Variants in DPRX observed in about 807,000 individuals in gnomAD.
DPRX encodes divergent paired-related homeobox.
DPRX carries 11 observed loss-of-function variants against 8.4 expected under a neutral mutation model. The observed-to-expected ratio is 1.31, with a 90% CI of 0.82 to 2.17. The LOEUF (loss-of-function observed/expected upper bound fraction) is 2.17. Among genes scored for constraint, DPRX ranks in the 30% most tolerant of loss-of-function variants. DPRX has a pLI of 0.00. For synonymous variants in DPRX, 72 were observed against 87.0 expected (o/e 0.83, Z 0.96); for missense variants, 211 against 236.7 (o/e 0.89, Z 0.71).
chr19:53,630,104 T>C (rs1417509152), upstream of DPRX: 1 of 151,890 alleles, frequency 6.6e-6, no homozygotes, highest in Non-Finnish European at 1.5e-5. Flanking sequence ...TCCCAGCTAT[T>C]TGGGAGGCTG....
the DPRX span, among the ~76,000 whole-genome samples, chr19:53,621,497 A>C: frequency 6.6e-6 from 1 of 152,154 alleles, no homozygotes; most frequent in East Asian, 1.9e-4. Context: ...CACGATCTAT[A>C]TAAAATTTTC....
upstream of DPRX, among the ~76,000 whole-genome samples, chr19:53,627,825 G>A (rs1485887655): frequency 1.3e-5 from 2 of 151,140 alleles, no homozygotes. Context: ...CCGAGGCGGG[G>A]AGATCACTTG....
the DPRX span, chr19:53,603,672 C>T: frequency 0.011 from 1,878 of 165,858 alleles, 26 homozygotes; most frequent in South Asian, 0.048. Context: ...CACTACAGTC[C>T]AAAAATAGTA....
the DPRX span, among the ~76,000 whole-genome samples, chr19:53,612,689 A>G: frequency 4.1e-3 from 628 of 152,306 alleles, 4 homozygotes; most frequent in South Asian, 0.016. Context: ...CCTGGGCAAC[A>G]GAGTGAGACT....
At chr19:53,620,431 T>G in the DPRX span, among the ~76,000 whole-genome samples, 2 of 147,250 alleles carry the variant, frequency 1.4e-5, no homozygotes, top group Admixed American at 1.4e-4. Context: ...GGTGTGATCT[T>G]GGCTCACTGC....
At chr19:53,635,664 A>C (rs1184455705) in intron 2 of DPRX, among the ~76,000 whole-genome samples, 1 of 152,224 alleles carries the variant, frequency 6.6e-6, no homozygotes, top group Non-Finnish European at 1.5e-5. Flanking sequence ...TATAGGCATG[A>C]GCCACTGTGC....
upstream of DPRX, among the ~76,000 whole-genome samples, chr19:53,629,004 C>A (rs1422486750): frequency 6.6e-6 from 1 of 151,856 alleles, no homozygotes; most frequent in East Asian, 1.9e-4. Flanking sequence ...TTTATCCATA[C>A]AATGGAGTAT....
chr19:53,636,579 C>T lies in DPRX; in HGVS notation c.184-17C>T, dbSNP rs540357289. The stretch of plus-strand genomic sequence containing the variant: ...CATCTGAATTCCACCCCATTCTCTT[C>T]TCTCTCTTCCCTTCAGGTCTGGTTC... On this transcript the variant is annotated splice_polypyrimidine_tract_variant and intron_variant, in intron 2 of 2. Transcript: ENST00000376650. 4.2e-5 allele frequency: 65 copies of T among 1,537,214 alleles called. No individual in the cohort carries two copies. The South Asian group carries it at 7.9e-4, about 19-fold the overall frequency.
At chr19:53,603,386 C>A in the DPRX span, 2 of 456,556 alleles carry the variant, frequency 4.4e-6, no homozygotes, top group South Asian at 3.1e-5. Context: ...CGATGCGGCC[C>A]CATCTCGGGG....
the DPRX span, among the ~76,000 whole-genome samples, chr19:53,616,489 T>G: frequency 6.6e-6 from 1 of 151,950 alleles, no homozygotes; most frequent in Non-Finnish European, 1.5e-5. Flanking sequence ...GCATGGTGGC[T>G]CACGCCTGTA....
chr19:53,627,629 G>T (rs1432941087), upstream of DPRX, among the ~76,000 whole-genome samples: 2 of 150,700 alleles, frequency 1.3e-5, no homozygotes, highest in Non-Finnish European at 3.0e-5. Context: ...AGCAGAGACG[G>T]GCTGTCGCCA....
At chr19:53,607,784 G>A in the DPRX span, among the ~76,000 whole-genome samples, 2 of 151,868 alleles carry the variant, frequency 1.3e-5, no homozygotes, top group Non-Finnish European at 2.9e-5. Context: ...CCGGGAGGCA[G>A]AGGTTGCAGT....
At chr19:53,603,164 G>T in the DPRX span, among the ~76,000 whole-genome samples, 8 of 150,840 alleles carry the variant, frequency 5.3e-5, no homozygotes, top group African/African-American at 2.0e-4. Context: ...CAGTTGTCCC[G>T]CCTCAGCCTC....
the DPRX span, chr19:53,603,259 C>T: frequency 6.9e-5 from 31 of 447,854 alleles, no homozygotes; most frequent in African/African-American, 4.6e-4. Context: ...CTTCACAACT[C>T]CTCTCAACTA....
At chr19:53,601,459 G>A in the DPRX span, 1 of 421,312 alleles carries the variant, frequency 2.4e-6, no homozygotes, top group Non-Finnish European at 4.7e-6. Context: ...CAGCTCTGTT[G>A]CAGTCGCATA....
chr19:53,635,029 G>A (rs1045905803), intron 2 of DPRX, among the ~76,000 whole-genome samples: 2 of 152,290 alleles, frequency 1.3e-5, no homozygotes, highest in African/African-American at 4.8e-5. Context: ...TTGGAGCACG[G>A]TGGTGCAATC....
chr19:53,621,843 C>T, the DPRX span, among the ~76,000 whole-genome samples: 9 of 152,086 alleles, frequency 5.9e-5, no homozygotes, highest in African/African-American at 1.9e-4. Flanking sequence ...TTCTTAGGCA[C>T]GCATTTGTAG....
chr19:53,620,290 C>T, the DPRX span, among the ~76,000 whole-genome samples: 678 of 151,988 alleles, frequency 4.5e-3, 4 homozygotes, highest in Non-Finnish European at 7.6e-3. Flanking sequence ...AGGATGGTCT[C>T]GATCTCCTGA....
chr19:53,634,496 ATTTCC>A, intron 1 of DPRX, 30 bp from the exon 2 acceptor site: 1 of 1,592,190 alleles, frequency 6.3e-7, no homozygotes, highest in South Asian at 1.1e-5. Context: ...AGTTGTTAGC[ATTTCC>A]CATTTGTGTC....
Sources: gnomAD v4.1 joint callset for allele counts (sites outside exome capture counted in the v4.1 genomes callset) on GRCh38, gnomAD v4.1.1 for gene constraint, MANE v1.5 for transcripts, NCBI Gene and HGNC (gene_info 2026-07-23, HGNC 2026-07-21) for gene names.